Variants in PTPN14 observed in about 807,000 individuals in gnomAD.
PTPN14 encodes the protein tyrosine-protein phosphatase non-receptor type 14.
A neutral mutation model predicts 126.8 loss-of-function variants in PTPN14; 53 were observed. That is an observed-to-expected ratio of 0.42 (90% CI 0.34 to 0.53). The LOEUF (loss-of-function observed/expected upper bound fraction) is 0.53. Ranked by LOEUF, PTPN14 falls within the 20% of genes least tolerant of loss-of-function variation. The pLI, the probability that PTPN14 is intolerant of heterozygous loss-of-function variation, is 0.08. For missense variants in PTPN14, 1,257 were observed against 1,552.9 expected, an observed-to-expected ratio of 0.81 and a Z score of 3.20; for synonymous variants, 630 against 599.3, an observed-to-expected ratio of 1.05 and a Z score of -0.75.
intron 2 of PTPN14, among the ~76,000 whole-genome samples, chr1:214,453,407 T>G (rs1660312363): frequency 6.6e-6 from 1 of 152,248 alleles, no homozygotes; most frequent in South Asian, 2.1e-4. Flanking sequence ...TCTTTTGCAC[T>G]CACTGTCTCA....
chr1:214,405,897 T>G (rs1433994562), intron 5 of PTPN14, among the ~76,000 whole-genome samples: 1 of 152,098 alleles, frequency 6.6e-6, no homozygotes, highest in East Asian at 1.9e-4. Context: ...TTGCCCAAAG[T>G]CATATAGCCA....
At chr1:214,437,628 C>A (rs1276152316) in intron 3 of PTPN14, among the ~76,000 whole-genome samples, 1 of 152,188 alleles carries the variant, frequency 6.6e-6, no homozygotes, top group Admixed American at 6.5e-5. Flanking sequence ...AAAATTGCTA[C>A]AGAAGAACCT....
intron 13 of PTPN14, among the ~76,000 whole-genome samples, chr1:214,381,614 G>A (rs1005177803): frequency 8.5e-5 from 13 of 152,216 alleles, no homozygotes; most frequent in African/African-American, 2.9e-4. Context: ...GGTTGCTACA[G>A]ATTCAATTTC....
chr1:214,479,008 A>AT (rs1660925350), intron 1 of PTPN14, among the ~76,000 whole-genome samples: 1 of 151,796 alleles, frequency 6.6e-6, no homozygotes, highest in South Asian at 2.1e-4. Context: ...AAAATAGTAC[A>AT]TTTTGCTTAA....
At chr1:214,433,056 A>G (rs1320843029) in intron 3 of PTPN14, among the ~76,000 whole-genome samples, 1 of 151,688 alleles carries the variant, frequency 6.6e-6, no homozygotes, top group East Asian at 1.9e-4. Flanking sequence ...GGCGCCCACC[A>G]CCACGCCCGG....
Position 214,383,316 on chromosome 1 carries a change from T to G in PTPN14, c.2539A>C (p.Ile847Leu). The change falls in exon 13 of 19, where the codon ATC (isoleucine) becomes CTC (leucine). Residue 847 changes from isoleucine (I) to leucine (L), a missense_variant. Transcript: ENST00000366956. The surrounding 1 kb of genome is among the most constrained non-coding windows in gnomAD (Gnocchi z 4.4). ...EDSIIEREMM[I>L]RNLEKQKMAG... is the part of the protein sequence containing the mutation. Reference sequence around the variant, plus strand: ...TGGGAGAGGAGGACACTCACCCTGATCATCATCTCTCTCTCTATAATGCTG... The same window carrying G: ...TGGGAGAGGAGGACACTCACCCTGAGCATCATCTCTCTCTCTATAATGCTG... The G allele has an allele frequency of 6.2e-7, 1 of 1,609,364 alleles. No homozygotes were observed. Among genetic ancestry groups the G allele is most frequent in the East Asian group, 2.2e-5 (1 of 44,706 alleles).
intron 1 of PTPN14, among the ~76,000 whole-genome samples, chr1:214,513,261 A>C (rs1655020105): frequency 6.6e-6 from 1 of 152,228 alleles, no homozygotes; most frequent in Admixed American, 6.5e-5. Context: ...GCATGTACTT[A>C]GTACCTACTA....
chr1:214,409,972 G>A (rs1214694363), intron 5 of PTPN14, among the ~76,000 whole-genome samples: 1 of 152,066 alleles, frequency 6.6e-6, no homozygotes, highest in Admixed American at 6.5e-5. Flanking sequence ...GTCTATTCAG[G>A]TCCCTTGACC....
chr1:214,368,176 A>AT (rs1412628523), intron 17 of PTPN14, among the ~76,000 whole-genome samples: 3 of 104,996 alleles, frequency 2.9e-5, no homozygotes, highest in South Asian at 2.9e-4. Flanking sequence ...CATGAAAACA[A>AT]TTTTTTTAAT....
chr1:214,407,432 G>T (rs1659196536), intron 5 of PTPN14, among the ~76,000 whole-genome samples: 3 of 151,900 alleles, frequency 2.0e-5, no homozygotes, highest in Admixed American at 6.6e-5. Context: ...GGAGGCTGAG[G>T]TTGTAGTGAG....
rs554593353 is a variant in PTPN14 at position 214,423,147 on chromosome 1, G to T, written c.345-8421C>A. Among the ~76,000 whole-genome samples, 3 of 151,948 alleles carry T rather than the reference G, an allele frequency of 2.0e-5. No homozygotes were observed. In the South Asian group the frequency reaches 6.3e-4, roughly 32 times the overall value. On this transcript the variant is annotated intron_variant, in intron 3 of 18. Transcript: ENST00000366956. ...AAAAAGGAAAGGGAAGAGGGAAAGGGGGGAGGGAGGGGAAGGAAAGTCAGC... is the reference window on the plus strand; with the variant it reads ...AAAAAGGAAAGGGAAGAGGGAAAGGTGGGAGGGAGGGGAAGGAAAGTCAGC...
intron 1 of PTPN14, among the ~76,000 whole-genome samples, chr1:214,517,108 G>A (rs41530849): frequency 0.02 from 2,967 of 152,098 alleles, 80 homozygotes; most frequent in African/African-American, 0.068. Flanking sequence ...AAATGTAATC[G>A]GTCCTACCTC....
Position 214,451,858 on chromosome 1 carries a change from A to G in PTPN14, c.291T>C (p.Phe97=). ...DKFANEPLLF[F]GVMFYVPNVS... ...CATTTGGCACATAGAACATGACTCC[A>G]AAGAAAAGCAAAGGCTCATTAGCGA... The change falls in exon 3 of 19, where the codon TTT becomes TTC. Residue 97 remains phenylalanine, a synonymous_variant. Coordinates refer to ENST00000366956, the MANE Select transcript of PTPN14 (RefSeq NM_005401.5). 1 of 1,614,244 alleles carries G rather than the reference A, an allele frequency of 6.2e-7. No individual in the cohort carries two copies. The highest frequency in any genetic ancestry group is 8.5e-7 in the Non-Finnish European group (1 of 1,180,050).
intron 2 of PTPN14, among the ~76,000 whole-genome samples, chr1:214,454,237 G>C (rs1272795244): frequency 1.3e-5 from 2 of 152,172 alleles, no homozygotes; most frequent in Non-Finnish European, 2.9e-5. Flanking sequence ...GGCTAACCAT[G>C]ATTTATCATC....
chr1:214,361,907 C>T (rs1277360113), intron 18 of PTPN14, among the ~76,000 whole-genome samples: 1 of 152,194 alleles, frequency 6.6e-6, no homozygotes, highest in East Asian at 1.9e-4. Context: ...TTCATTGTTT[C>T]TGCTCAACTT....
intron 7 of PTPN14, among the ~76,000 whole-genome samples, chr1:214,399,130 T>C (rs1658958449): frequency 6.6e-6 from 1 of 152,226 alleles, no homozygotes; most frequent in South Asian, 2.1e-4. Context: ...ATATGTTAAC[T>C]GGTTTGATTT....
In PTPN14 at chr1:214,461,861, C is replaced by T. The variant is rs569037617; in HGVS notation, c.174+2769G>A. 4.6e-5 allele frequency among the ~76,000 whole-genome samples: 7 copies of T among 152,292 alleles called. No individual in the cohort carries two copies. The South Asian group carries it at 1.2e-3, about 27-fold the overall frequency. On this transcript the variant is annotated intron_variant, in intron 2 of 18. Transcript: ENST00000366956. Reference sequence around the variant, plus strand: ...TATATCTTAGATTGGTTGTCACCTTCTCCTCTAAAGCAGCATCGGCTCTAT... The same window carrying T: ...TATATCTTAGATTGGTTGTCACCTTTTCCTCTAAAGCAGCATCGGCTCTAT...
At chr1:214,474,001 T>C (rs923914150) in intron 1 of PTPN14, among the ~76,000 whole-genome samples, 1 of 152,200 alleles carries the variant, frequency 6.6e-6, no homozygotes, top group African/African-American at 2.4e-5. Context: ...AAAAAGCACA[T>C]TTTAAGATTC....
At chr1:214,366,754 C>T (rs1197568656) in intron 17 of PTPN14, among the ~76,000 whole-genome samples, 4 of 152,066 alleles carry the variant, frequency 2.6e-5, no homozygotes, top group African/African-American at 9.7e-5. Flanking sequence ...CGCTTGTAAT[C>T]CCAGCACTTT....
Sources: gnomAD v4.1 joint callset for allele counts (sites outside exome capture counted in the v4.1 genomes callset) on GRCh38, gnomAD v4.1.1 for gene constraint, Gnocchi (gnomAD v3.1) non-coding constraint, MANE v1.5 for transcripts, NCBI Gene and HGNC (gene_info 2026-07-23, HGNC 2026-07-21) for gene names.